The following RPP30 variants were observed in gnomAD, a reference collection of about 807,000 sequenced individuals.
The protein encoded by RPP30 is ribonuclease P/MRP subunit p30.
In RPP30, 36 loss-of-function variants were observed where a neutral mutation model predicts 38.6. That is an observed-to-expected ratio of 0.93 (90% CI 0.71 to 1.23). RPP30 has a LOEUF of 1.23. Ranked by LOEUF, RPP30 falls within the 50% of genes most tolerant of loss-of-function variation. The pLI is 0.00. For missense variants in RPP30, 321 were observed against 321.7 expected, an observed-to-expected ratio of 1.00 and a Z score of 0.02; for synonymous variants, 126 against 112.7, an observed-to-expected ratio of 1.12 and a Z score of -0.75.
At position 90,901,386 on chromosome 10, in the gene RPP30, G is replaced by A. The variant is rs1006930689; in HGVS notation, c.*707G>A. 1 of 983,536 alleles carries A rather than the reference G, an allele frequency of 1.0e-6. No homozygotes were observed. The highest frequency in any genetic ancestry group is 1.1e-4 in the East Asian group (1 of 8,808). The allele number at this position is 983,536 out of a possible 1,614,324, so 60.9% of individuals were successfully genotyped here. ...AACTTATATTGAAGAAGTGACTTTA[G>A]TTCCTCTTGTTTTAAGCTTCTTTCA... On this transcript the variant is annotated 3_prime_UTR_variant, in exon 11 of 11. Coordinates refer to ENST00000371703, the MANE Select transcript of RPP30 (RefSeq NM_006413.5).
At chr10:90,903,173 T>C, downstream of RPP30, 1 of 1,411,850 alleles carries the variant, frequency 7.1e-7, no homozygotes, top group South Asian at 1.2e-5. Context: ...TAATGTCAAG[T>C]TCCTTTTCTG....
At chr10:90,900,285 T>C (rs1847185390) in intron 10 of RPP30, among the ~76,000 whole-genome samples, 2 of 152,384 alleles carry the variant, frequency 1.3e-5, no homozygotes, top group South Asian at 4.1e-4. Context: ...TGTCTGTGAC[T>C]GGGTTCTGGC....
At position 90,900,743 on chromosome 10, in the gene RPP30, A is replaced by G; in HGVS notation, c.*64A>G. On this transcript the variant is annotated 3_prime_UTR_variant, in exon 11 of 11. Coordinates refer to ENST00000371703, the MANE Select transcript of RPP30 (RefSeq NM_006413.5). ...CTTTTATAGTTCATCAGCCACAACA[A>G]AAATAAAACCTTTGTGTGATTTACT... 1.3e-6 allele frequency: 2 copies of G among 1,549,762 alleles called. No homozygotes were observed. Among genetic ancestry groups the G allele is most frequent in the Non-Finnish European group, 1.7e-6 (2 of 1,152,494 alleles).
intron 1 of RPP30, among the ~76,000 whole-genome samples, chr10:90,873,801 G>A (rs1248671913): frequency 1.3e-5 from 2 of 152,050 alleles, no homozygotes; most frequent in Non-Finnish European, 2.9e-5. Context: ...CAAGGTACAG[G>A]CATACTTGTG....
At chr10:90,889,392 C>T (rs910640321) in intron 6 of RPP30, among the ~76,000 whole-genome samples, 1 of 147,582 alleles carries the variant, frequency 6.8e-6, no homozygotes, top group Non-Finnish European at 1.5e-5. Context: ...TCACTGCAGC[C>T]TCCGCCTCCT....
At chr10:90,883,305 A>AC (rs983610499) in intron 5 of RPP30, among the ~76,000 whole-genome samples, 2 of 152,010 alleles carry the variant, frequency 1.3e-5, no homozygotes, top group Admixed American at 6.6e-5. Context: ...AAAAAAAAAA[A>AC]ATTGGTATGG....
intron 10 of RPP30, among the ~76,000 whole-genome samples, chr10:90,900,328 T>G (rs1261247043): frequency 6.6e-6 from 1 of 152,242 alleles, no homozygotes; most frequent in African/African-American, 2.4e-5. Context: ...CCATTAGAGA[T>G]AACACTGTCC....
chr10:90,874,909 T>C lies in RPP30; in HGVS notation c.123T>C (p.Phe41=). 6.3e-7 allele frequency: 1 copy of C among 1,585,252 alleles called. No individual in the cohort carries two copies. The highest frequency in any genetic ancestry group is 8.6e-7 in the Non-Finnish European group (1 of 1,160,058). Residue 41 remains phenylalanine (F), a synonymous_variant, in exon 2 of 11, where the codon TTT becomes TTC. Coordinates refer to ENST00000371703, the MANE Select transcript of RPP30 (RefSeq NM_006413.5). ...SVVAINHIVD[F]KEKKQEIEKP... ...TTGCTATCAATCATATCGTTGACTTTAAGGAAAAGAAACAGGTAAAATAAT... is the reference window on the plus strand; with the variant it reads ...TTGCTATCAATCATATCGTTGACTTCAAGGAAAAGAAACAGGTAAAATAAT...
At chr10:90,879,833 T>A (rs1022173087) in intron 5 of RPP30, among the ~76,000 whole-genome samples, 1 of 152,224 alleles carries the variant, frequency 6.6e-6, no homozygotes, top group Non-Finnish European at 1.5e-5. Context: ...TGTAATGCAT[T>A]TTACTGTGTA....
At chr10:90,903,354 C>G (rs530436692), downstream of RPP30, 31 of 802,868 alleles carry the variant, frequency 3.9e-5, no homozygotes, top group Admixed American at 7.1e-5. Flanking sequence ...TTTGCGACGT[C>G]CCACCTTAAT....
intron 6 of RPP30, among the ~76,000 whole-genome samples, chr10:90,894,258 TAA>T (rs768167520): frequency 3.3e-5 from 5 of 152,248 alleles, no homozygotes; most frequent in Non-Finnish European, 7.3e-5. Flanking sequence ...AGCACTCAAT[TAA>T]CTATGGCTGT....
chr10:90,879,273 C>G, intron 5 of RPP30, 139 bp downstream of exon 5: 2 of 644,528 alleles, frequency 3.1e-6, no homozygotes, highest in South Asian at 4.1e-5. Flanking sequence ...TTCTAGAACC[C>G]CATAAGGGTA....
downstream of RPP30, chr10:90,902,214 T>C: frequency 1.3e-6 from 1 of 783,338 alleles, no homozygotes; most frequent in Non-Finnish European, 1.6e-6. Flanking sequence ...GTGAAATTTA[T>C]TCTTTTTTTC....
At chr10:90,885,773 T>A (rs1846992323) in intron 5 of RPP30, 39 bp from the exon 6 acceptor site, 1 of 1,362,192 alleles carries the variant, frequency 7.3e-7, no homozygotes. Flanking sequence ...CTTGTGCCAA[T>A]TTTCCTTTTG....
At chr10:90,875,722 T>C in intron 3 of RPP30, 108 bp downstream of exon 3, 1 of 921,184 alleles carries the variant, frequency 1.1e-6, no homozygotes, top group Non-Finnish European at 1.8e-6. Flanking sequence ...TGAGTACCAG[T>C]CTTAACGTTT....
In RPP30 at chr10:90,896,315, G is replaced by T. The variant is rs145322778; in HGVS notation, c.620G>T (p.Gly207Val). The change falls in exon 10 of 11, where the codon GGC becomes GTC. Residue 207 changes from glycine to valine, a missense_variant and splice_region_variant. Transcript: ENST00000371703. ...IRGPYDVANLGLLFGLSESDA... is the reference protein window; with the variant it reads ...IRGPYDVANLVLLFGLSESDA... ...GAAATCTTTAATGCTCCCCCAAGAG[G>T]CTTGCTGTTTGGGCTCTCTGAAAGT... The T allele has an allele frequency of 9.9e-6, 16 of 1,613,830 alleles. No individual in the cohort carries two copies. In the South Asian group the frequency reaches 1.4e-4, roughly 14 times the overall value.
Position 90,871,992 on chromosome 10 carries a change from G to C in RPP30, c.6G>C (p.Ala2=). 6.2e-7 allele frequency: 1 copy of C among 1,613,972 alleles called. No individual in the cohort carries two copies. The highest frequency in any genetic ancestry group is 8.5e-7 in the Non-Finnish European group (1 of 1,179,880). ...GACGGTCATGGGACTTCAGCATGGC[G>C]GTGTTTGCAGATTTGGACCTGCGAG... is the stretch of plus-strand genomic sequence containing the variant. M[A]VFADLDLRAG... The change falls in exon 1 of 11, where the codon GCG becomes GCC. Residue 2 remains alanine (A), a synonymous_variant. Coordinates refer to ENST00000371703, the MANE Select transcript of RPP30 (RefSeq NM_006413.5).
downstream of RPP30, among the ~76,000 whole-genome samples, chr10:90,904,110 T>G (rs1281222196): frequency 6.6e-6 from 1 of 152,168 alleles, no homozygotes; most frequent in Non-Finnish European, 1.5e-5. Context: ...AAAAACCTAA[T>G]GGGAGGGACT....
In RPP30 at chr10:90,885,790, CCTATTTTTTTCTT is replaced by C; in HGVS notation, c.343-19_343-7del. 6.5e-7 allele frequency: 1 copy of C among 1,547,564 alleles called. No homozygotes were observed. Among genetic ancestry groups the C allele is most frequent in the South Asian group, 1.1e-5 (1 of 88,870 alleles). ...TGTGCCAATTTTCCTTTTGGCCTTA[CCTATTTTTTTCTT>C]CTTTACAGATTGCTTGCACACATTT... On this transcript the variant is annotated splice_polypyrimidine_tract_variant and intron_variant, in intron 5 of 10. Transcript: ENST00000371703.
Sources: gnomAD v4.1 joint callset for allele counts (sites outside exome capture counted in the v4.1 genomes callset) on GRCh38, gnomAD v4.1.1 for gene constraint, MANE v1.5 for transcripts, NCBI Gene and HGNC (gene_info 2026-07-23, HGNC 2026-07-21) for gene names.